The following ATP8A2 variants were observed in gnomAD, a reference collection of about 807,000 sequenced individuals.
ATP8A2 encodes ATPase phospholipid transporting 8A2.
A neutral mutation model predicts 165.6 loss-of-function variants in ATP8A2; 100 were observed. The ratio of observed to expected loss-of-function variants is 0.60; its 90% confidence interval spans 0.51 to 0.71. The LOEUF (loss-of-function observed/expected upper bound fraction) is 0.71, where lower values mean the gene tolerates loss of function less well. Ranked by LOEUF, ATP8A2 falls within the 30% of genes least tolerant of loss-of-function variation. The pLI, the probability that ATP8A2 is intolerant of heterozygous loss-of-function variation, is 0.00. For synonymous variants in ATP8A2, 543 were observed against 548.8 expected, an observed-to-expected ratio of 0.99 and a Z score of 0.15; for missense variants, 1,227 against 1,479.5, an observed-to-expected ratio of 0.83 and a Z score of 2.80.
At chr13:25,677,268 C>T (rs909976460) in intron 24 of ATP8A2, among the ~76,000 whole-genome samples, 4 of 152,210 alleles carry the variant, frequency 2.6e-5, no homozygotes, top group Admixed American at 2.6e-4. Flanking sequence ...TTCAAGTGTT[C>T]AGTAGGCACC....
At chr13:25,767,384 GCT>G (rs2044513822) in intron 25 of ATP8A2, among the ~76,000 whole-genome samples, 1 of 152,188 alleles carries the variant, frequency 6.6e-6, no homozygotes, top group African/African-American at 2.4e-5. Flanking sequence ...GTTCTATTCT[GCT>G]CTCAGTTGCC....
intron 27 of ATP8A2, among the ~76,000 whole-genome samples, chr13:25,781,495 TG>T (rs1262352561): frequency 4.6e-5 from 7 of 152,124 alleles, no homozygotes; most frequent in African/African-American, 1.7e-4. Flanking sequence ...AACTTTTTTT[TG>T]TTTGTTTTTT....
chr13:25,944,721 T>C (rs1180440545), intron 33 of ATP8A2: 2 of 151,016 alleles, frequency 1.3e-5, no homozygotes, highest in African/African-American at 4.9e-5. Flanking sequence ...CAACGGTGAA[T>C]AGCCACTGCC....
chr13:25,953,345 G>C lies in ATP8A2; in HGVS notation c.3184-8230G>C, dbSNP rs780657263. ...TCTTCTGTAAAATGGGGACGGGGGG[G>C]ATTAAATAAAATGCTTTATGGGAAG... On this transcript the variant is annotated intron_variant, in intron 33 of 36. Coordinates refer to ENST00000381655, the MANE Select transcript of ATP8A2 (RefSeq NM_016529.6). The surrounding 1 kb of genome is among the most constrained non-coding windows in gnomAD (Gnocchi z 6.7). 6.6e-6 allele frequency among the ~76,000 whole-genome samples: 1 copy of C among 151,672 alleles called. No individual in the cohort carries two copies. The highest frequency in any genetic ancestry group is 2.4e-5 in the African/African-American group (1 of 41,178).
intron 1 of ATP8A2, among the ~76,000 whole-genome samples, chr13:25,427,299 G>A (rs922794397): frequency 6.6e-6 from 1 of 151,788 alleles, no homozygotes; most frequent in African/African-American, 2.4e-5. Context: ...CTGATGATCT[G>A]TCACTGTCTC....
In ATP8A2 at chr13:25,932,290, G is replaced by A. The variant is rs556899129; in HGVS notation, c.3184-29285G>A. Among the ~76,000 whole-genome samples, 3 of 152,280 alleles carry A rather than the reference G, an allele frequency of 2.0e-5. No homozygotes were observed. In the South Asian group the frequency reaches 6.2e-4, roughly 32 times the overall value. On this transcript the variant is annotated intron_variant, in intron 33 of 36. Coordinates refer to ENST00000381655, the MANE Select transcript of ATP8A2 (RefSeq NM_016529.6). ...AACAGCACCTACCTCCAGTCTCTTG[G>A]GATTAGCCAGAGAAGAAACGCCAGG...
chr13:26,020,748 C>T lies in ATP8A2; in HGVS notation c.*763C>T, dbSNP rs1218459466. 6 of 152,506 alleles carry T rather than the reference C, an allele frequency of 3.9e-5. No homozygotes were observed. The highest frequency in any genetic ancestry group is 4.1e-4 in the South Asian group (2 of 4,834). 9.4% of individuals were successfully genotyped at this position (152,506 alleles called of 1,614,324 possible). ...GGCCGATGGGCAGCCAACCCAAACC[C>T]GCGCCTTTCCTTGTTCCACTGCAGA... On this transcript the variant is annotated 3_prime_UTR_variant, in exon 37 of 37. Coordinates refer to ENST00000381655, the MANE Select transcript of ATP8A2 (RefSeq NM_016529.6).
In ATP8A2 at chr13:25,541,979, A is replaced by G. The variant is rs765632964; in HGVS notation, c.712A>G (p.Ile238Val). The stretch of plus-strand genomic sequence containing the variant: ...AGTTCTGATGAAGTTATCTGGAACT[A>G]TAGAGTGTGAAGGGCCCAACCGCCA... ...REVLMKLSGT[I>V]ECEGPNRHLY... Residue 238 changes from isoleucine (I) to valine (V), a missense_variant, in exon 9 of 37, where the codon ATA becomes GTA. This residue lies in a region of ATP8A2 where 356 missense variants were observed against 394.9 expected (regional missense o/e 0.90). Coordinates refer to ENST00000381655, the MANE Select transcript of ATP8A2 (RefSeq NM_016529.6). The G allele has an allele frequency of 1.2e-6, 2 of 1,614,134 alleles. No homozygotes were observed. The highest frequency in any genetic ancestry group is 2.2e-5 in the South Asian group (2 of 91,082).
intron 23 of ATP8A2, among the ~76,000 whole-genome samples, chr13:25,584,834 A>G (rs2039876495): frequency 2.0e-5 from 3 of 152,162 alleles, no homozygotes; most frequent in Admixed American, 1.3e-4. Context: ...TGTCTCTGAA[A>G]TGGGGATGTC....
At chr13:25,440,935 A>G (rs1433281673) in intron 1 of ATP8A2, among the ~76,000 whole-genome samples, 1 of 152,186 alleles carries the variant, frequency 6.6e-6, no homozygotes, top group Non-Finnish European at 1.5e-5. Flanking sequence ...ATGAATACTT[A>G]AAAGGATTAC....
chr13:25,807,816 T>A (rs1176024685), intron 27 of ATP8A2, among the ~76,000 whole-genome samples: 1 of 152,156 alleles, frequency 6.6e-6, no homozygotes, highest in Non-Finnish European at 1.5e-5. Flanking sequence ...GAAGTAACAC[T>A]GCAAAGCACA....
At chr13:25,608,190 G>T (rs1443001342) in intron 24 of ATP8A2, among the ~76,000 whole-genome samples, 1 of 152,208 alleles carries the variant, frequency 6.6e-6, no homozygotes, top group Non-Finnish European at 1.5e-5. Context: ...CTTTTGTGCT[G>T]TGTAAAAACC....
rs1029711458 is a variant in ATP8A2, at chr13:25,974,444, C to T, written c.3377+5765C>T. Among the ~76,000 whole-genome samples the T allele has an allele frequency of 9.3e-4, 141 of 151,546 alleles. 2 individuals are homozygous for T. The highest frequency in any genetic ancestry group is 3.3e-3 in the African/African-American group (135 of 41,294). ...CCCAGGGACATGGGAGTGGTGTGGA[C>T]GAATGGCCGTAGTGAATGTTGGATG... On this transcript the variant is annotated intron_variant, in intron 35 of 36. Transcript: ENST00000381655.
rs182817771 is a variant in ATP8A2, at chr13:25,597,105, A to G, written c.2211+7406A>G. On this transcript the variant is annotated intron_variant, in intron 24 of 36. Transcript: ENST00000381655. ...TTGCCCATTTAAAAAAACATGTTAT[A>G]TGCTTTTTAAAATTACTGAATTCTA... Among the ~76,000 whole-genome samples, 185 of 152,310 alleles carry G rather than the reference A, an allele frequency of 1.2e-3. 1 individual carries two copies. The highest frequency in any genetic ancestry group is 4.2e-3 in the African/African-American group (176 of 41,564).
At chr13:25,939,123 A>G (rs1340625840) in intron 33 of ATP8A2, among the ~76,000 whole-genome samples, 2 of 152,114 alleles carry the variant, frequency 1.3e-5, no homozygotes, top group Non-Finnish European at 2.9e-5. Context: ...GATTATAGGC[A>G]TGAGCCACCA....
chr13:25,803,345 A>G (rs1311654533), intron 27 of ATP8A2, among the ~76,000 whole-genome samples: 1 of 152,208 alleles, frequency 6.6e-6, no homozygotes, highest in African/African-American at 2.4e-5. Context: ...TAAACTCATC[A>G]ATTTGTTGAA....
At chr13:25,881,185 G>A (rs1952968616) in intron 33 of ATP8A2, among the ~76,000 whole-genome samples, 1 of 152,056 alleles carries the variant, frequency 6.6e-6, no homozygotes, top group Admixed American at 6.5e-5. Flanking sequence ...ACACTTGGTA[G>A]AATGTGGAAG....
rs141254453 is a variant in ATP8A2 at position 25,802,473 on chromosome 13, C to A, written c.2680-25645C>A. 5.3e-5 allele frequency among the ~76,000 whole-genome samples: 8 copies of A among 152,138 alleles called. No homozygotes were observed. In the East Asian group the frequency reaches 1.5e-3, roughly 29 times the overall value. On this transcript the variant is annotated intron_variant, in intron 27 of 36. Coordinates refer to ENST00000381655, the MANE Select transcript of ATP8A2 (RefSeq NM_016529.6). ...ATTTTAATTAGGAAATACAGTAATC[C>A]TAAGTGAGCTTCATTTCTTACACAA...
chr13:25,549,345 A>G (rs1339077142), intron 10 of ATP8A2, among the ~76,000 whole-genome samples: 1 of 151,844 alleles, frequency 6.6e-6, no homozygotes, highest in Non-Finnish European at 1.5e-5. Flanking sequence ...TTGTAATCCC[A>G]GCTACTTGGG....
Sources: allele counts gnomAD v4.1 joint callset (sites outside exome capture counted in the v4.1 genomes callset), GRCh38; gene constraint gnomAD v4.1.1; regional missense constraint gnomAD v4.1.1; non-coding constraint Gnocchi (gnomAD v3.1); transcripts MANE v1.5; gene names NCBI Gene and HGNC (gene_info 2026-07-23, HGNC 2026-07-21).